PLXDC2: variants seen among roughly 807,000 people sequenced by gnomAD.
PLXDC2 encodes the protein plexin domain containing 2.
Under a neutral mutation model 68.9 loss-of-function variants are expected in PLXDC2, and 40 were observed. That is an observed-to-expected ratio of 0.58 (90% CI 0.45 to 0.76). The LOEUF is 0.76. Among genes scored for constraint, PLXDC2 ranks in the 30% least tolerant of loss-of-function variants. The pLI is 0.00. For synonymous variants in PLXDC2, 243 were observed against 234.2 expected (o/e 1.04, Z -0.34); for missense variants, 644 against 661.9 (o/e 0.97, Z 0.30).
chr10:20,253,128 A>G (rs939377765), intron 13 of PLXDC2, among the ~76,000 whole-genome samples: 1 of 151,924 alleles, frequency 6.6e-6, no homozygotes, highest in Non-Finnish European at 1.5e-5. Context: ...ACATTGGGAG[A>G]CCGAGACGGG....
intron 13 of PLXDC2, among the ~76,000 whole-genome samples, chr10:20,266,411 G>A (rs1227098643): frequency 6.6e-6 from 1 of 150,430 alleles, no homozygotes; most frequent in Non-Finnish European, 1.5e-5. Context: ...AACAATTGTT[G>A]TTTATTGAAA....
intron 13 of PLXDC2, among the ~76,000 whole-genome samples, chr10:20,269,376 T>C (rs1368400917): frequency 6.6e-6 from 1 of 152,110 alleles, no homozygotes; most frequent in East Asian, 1.9e-4. Context: ...ATGATCAATA[T>C]TGAATAAAGG....
At chr10:19,937,260 A>G (rs189460227) in intron 1 of PLXDC2, among the ~76,000 whole-genome samples, 3 of 152,156 alleles carry the variant, frequency 2.0e-5, no homozygotes, top group East Asian at 3.9e-4. Context: ...TTCGCATGTC[A>G]TGGATGGTCT....
At position 19,963,832 on chromosome 10, in the gene PLXDC2, A is replaced by G. The variant is rs543344088; in HGVS notation, c.113-37943A>G. 6.6e-5 allele frequency among the ~76,000 whole-genome samples: 10 copies of G among 151,368 alleles called. 1 individual carries two copies. In the Middle Eastern group the frequency reaches 0.021, roughly 311 times the overall value. ...GCACATGTACCCTAGAACTTGAAGT[A>G]TAATAAAAAAAAAAACAAAAAACAA... On this transcript the variant is annotated intron_variant, in intron 1 of 13. Transcript: ENST00000377252.
chr10:20,096,716 C>T (rs773073146), intron 4 of PLXDC2, among the ~76,000 whole-genome samples: 3 of 152,048 alleles, frequency 2.0e-5, no homozygotes, highest in Admixed American at 2.0e-4. Context: ...ATTTGTAAAG[C>T]TAAGTAATTG....
At chr10:19,893,354 G>T (rs976514977) in intron 1 of PLXDC2, among the ~76,000 whole-genome samples, 3 of 152,168 alleles carry the variant, frequency 2.0e-5, no homozygotes, top group African/African-American at 7.2e-5. Context: ...ACCATATCCA[G>T]TTATTTCATT....
chr10:19,932,455 A>G (rs1038301466), intron 1 of PLXDC2, among the ~76,000 whole-genome samples: 1 of 152,210 alleles, frequency 6.6e-6, no homozygotes, highest in Non-Finnish European at 1.5e-5. Flanking sequence ...CACGTATTAA[A>G]ATAAACATGC....
chr10:20,221,273 A>T (rs1384420019), intron 12 of PLXDC2, among the ~76,000 whole-genome samples: 2 of 150,908 alleles, frequency 1.3e-5, no homozygotes, highest in African/African-American at 5.0e-5. Flanking sequence ...TCAAAGAATC[A>T]TAAAACTTCG....
At chr10:20,163,240 A>C (rs1564338452) in intron 6 of PLXDC2, among the ~76,000 whole-genome samples, 1 of 152,204 alleles carries the variant, frequency 6.6e-6, no homozygotes, top group Admixed American at 6.5e-5. Context: ...GAAATAATAC[A>C]TTAAGGGAAA....
In PLXDC2 at chr10:20,285,551, G is replaced by T. The variant is rs1048562107; in HGVS notation, c.*5732G>T. 1 of 152,110 alleles carries T rather than the reference G, an allele frequency of 6.6e-6. No homozygotes were observed. The highest frequency in any genetic ancestry group is 2.1e-4 in the South Asian group (1 of 4,824). The allele number at this position is 152,110 out of a possible 1,614,324, so 9.4% of individuals were successfully genotyped here. On this transcript the variant is annotated 3_prime_UTR_variant, in exon 14 of 14. Transcript: ENST00000377252. ...TGTGTCTGAAACATAATATATCACT[G>T]CATGTCTGTGCTGTAGACCTGTTAA... is the stretch of plus-strand genomic sequence containing the variant.
chr10:20,160,149 C>A (rs1834271743), intron 6 of PLXDC2, among the ~76,000 whole-genome samples: 1 of 152,070 alleles, frequency 6.6e-6, no homozygotes, highest in South Asian at 2.1e-4. Flanking sequence ...TGAATGGATT[C>A]TATCTTATCA....
At chr10:20,106,484 C>T (rs1451653815) in intron 4 of PLXDC2, among the ~76,000 whole-genome samples, 1 of 152,096 alleles carries the variant, frequency 6.6e-6, no homozygotes, top group Non-Finnish European at 1.5e-5. Flanking sequence ...CTGTGATATC[C>T]CTTGAGATGG....
intron 13 of PLXDC2, among the ~76,000 whole-genome samples, chr10:20,272,127 G>C (rs1835948350): frequency 6.6e-6 from 1 of 152,124 alleles, no homozygotes; most frequent in African/African-American, 2.4e-5. Context: ...TTTTTCAGGG[G>C]ATGTAGCTTT....
chr10:20,158,136 G>A (rs1033176500), intron 6 of PLXDC2, among the ~76,000 whole-genome samples: 2 of 151,806 alleles, frequency 1.3e-5, no homozygotes, highest in Non-Finnish European at 2.9e-5. Context: ...CCAGGATCTC[G>A]TGATGACTCA....
intron 3 of PLXDC2, among the ~76,000 whole-genome samples, chr10:20,061,529 A>G (rs1836102916): frequency 6.6e-6 from 1 of 152,144 alleles, no homozygotes; most frequent in Admixed American, 6.5e-5. Context: ...GGTGATACCT[A>G]CCAGATTTTG....
chr10:20,263,339 C>T (rs1350782677), intron 13 of PLXDC2, among the ~76,000 whole-genome samples: 2 of 152,114 alleles, frequency 1.3e-5, no homozygotes, highest in Non-Finnish European at 2.9e-5. Context: ...TTTCCTTACA[C>T]CATACACAAA....
At chr10:19,893,404 G>A (rs558932809) in intron 1 of PLXDC2, among the ~76,000 whole-genome samples, 1 of 152,286 alleles carries the variant, frequency 6.6e-6, no homozygotes, top group Admixed American at 6.5e-5. Flanking sequence ...GTAGTCTGTG[G>A]ACTGCTTAAA....
intron 2 of PLXDC2, among the ~76,000 whole-genome samples, chr10:20,014,890 A>AT (rs397821935): frequency 0.28 from 42,070 of 150,936 alleles, 6,555 homozygotes; most frequent in Non-Finnish European, 0.36. Flanking sequence ...CAAAGAGAAC[A>AT]TTTTTTTTTT....
rs1377234602 is a variant in PLXDC2, at chr10:20,288,142, CT to C, written c.*8324del. 6.6e-6 allele frequency: 1 copy of C among 152,162 alleles called. No individual in the cohort carries two copies. The highest frequency in any genetic ancestry group is 1.5e-5 in the Non-Finnish European group (1 of 68,062). The allele number at this position is 152,162 out of a possible 1,614,324, so 9.4% of individuals were successfully genotyped here. A position where few individuals can be genotyped will look rare whatever the true frequency, so the allele number is the denominator to read the frequency against. ...AGAGGACACTGAGGAAAATCTGGCC[CT>C]ATGAACCTAGTCAACCCCAAGCAAA... On this transcript the variant is annotated 3_prime_UTR_variant, in exon 14 of 14. Coordinates refer to ENST00000377252, the MANE Select transcript of PLXDC2 (RefSeq NM_032812.9).
Sources: allele counts gnomAD v4.1 joint callset (sites outside exome capture counted in the v4.1 genomes callset), GRCh38; gene constraint gnomAD v4.1.1; transcripts MANE v1.5; gene names NCBI Gene and HGNC (gene_info 2026-07-23, HGNC 2026-07-21).